The following ATP10B variants were observed in gnomAD, a reference collection of about 807,000 sequenced individuals.
ATP10B encodes ATPase phospholipid transporting 10B (putative), also known as phospholipid-transporting ATPase VB.
ATP10B carries 122 observed loss-of-function variants against 141.2 expected under a neutral mutation model. That is an observed-to-expected ratio of 0.86 (90% CI 0.75 to 1.00). The LOEUF (loss-of-function observed/expected upper bound fraction) is 1.00. ATP10B is among the 50% of genes least tolerant of loss of function. ATP10B has a pLI of 0.00. For synonymous variants in ATP10B, 685 were observed against 692.0 expected (o/e 0.99, Z 0.16); for missense variants, 1,876 against 1,825.3 (o/e 1.03, Z -0.51).
Position 160,687,972 on chromosome 5 carries a change from T to A in ATP10B, c.103A>T (p.Lys35Ter). The change falls in exon 5 of 26, where the codon AAA (lysine) becomes TAA (stop). Residue 35 changes from lysine (K) to a stop codon, truncating the protein, a stop_gained. Transcript: ENST00000327245. LOFTEE classifies it high-confidence loss of function. ...SETTPLLSPE[K>*]GRQSYNLTQQ... ...GTCAAGTTGTAGCTCTGTCTCCCTT[T>A]CTCTGGAGAGAGCAGCGGTGTGGTT... 6.2e-7 allele frequency: 1 copy of A among 1,614,134 alleles called. No homozygotes were observed. The highest frequency in any genetic ancestry group is 8.5e-7 in the Non-Finnish European group (1 of 1,180,038).
intron 20 of ATP10B, 140 bp from the exon 21 acceptor site, chr5:160,602,842 G>A (rs1209085178): frequency 8.7e-7 from 1 of 1,151,812 alleles, no homozygotes. Flanking sequence ...CTCTTGGGTA[G>A]CTTTTTGGAT....
the ATP10B span, among the ~76,000 whole-genome samples, chr5:160,928,635 A>C: frequency 6.6e-6 from 1 of 152,202 alleles, no homozygotes; most frequent in Non-Finnish European, 1.5e-5. Context: ...AGTGCTTCCC[A>C]GTCATGCTTT....
chr5:160,701,939 G>C (rs1307930129), intron 3 of ATP10B, among the ~76,000 whole-genome samples: 1 of 145,180 alleles, frequency 6.9e-6, no homozygotes, highest in East Asian at 2.1e-4. Context: ...CCCCTCTCCC[G>C]AGGGCCTCTT....
rs528601129 is a variant in ATP10B, at chr5:160,814,712, A to G, written c.-575-28909T>C. On this transcript the variant is annotated intron_variant, in intron 1 of 25. Transcript: ENST00000327245. Reference sequence around the variant, plus strand: ...ATTCACCAAAGTTGAAATGAAGGAAAAAATGTTAAGGGCAGCCAGAGAGAA... The same window carrying G: ...ATTCACCAAAGTTGAAATGAAGGAAGAAATGTTAAGGGCAGCCAGAGAGAA... Among the ~76,000 whole-genome samples the G allele has an allele frequency of 2.0e-5, 3 of 152,318 alleles. No individual in the cohort carries two copies. The South Asian group carries it at 6.2e-4, about 32-fold the overall frequency.
At chr5:160,738,340 A>G (rs934996947) in intron 2 of ATP10B, among the ~76,000 whole-genome samples, 3 of 152,098 alleles carry the variant, frequency 2.0e-5, no homozygotes, top group African/African-American at 7.2e-5. Context: ...TGAAAACTCA[A>G]GGATCTAGGT....
At chr5:160,873,941 G>A in the ATP10B span, among the ~76,000 whole-genome samples, 47 of 152,362 alleles carry the variant, frequency 3.1e-4, no homozygotes, top group Middle Eastern at 3.4e-3. Context: ...ACTGCAAGGC[G>A]GCAGCCAGGC....
chr5:160,772,899 G>A (rs1441209406), intron 2 of ATP10B, among the ~76,000 whole-genome samples: 5 of 152,204 alleles, frequency 3.3e-5, no homozygotes, highest in Non-Finnish European at 5.9e-5. Context: ...GGAGAAATCT[G>A]TTGGTAGCTC....
intron 18 of ATP10B, among the ~76,000 whole-genome samples, chr5:160,608,440 T>C (rs976806773): frequency 6.6e-5 from 10 of 152,228 alleles, no homozygotes; most frequent in African/African-American, 2.4e-4. Flanking sequence ...TTTGGGTATA[T>C]ACCCAGTAAT....
chr5:160,843,049 G>A (rs1172644638), intron 1 of ATP10B, among the ~76,000 whole-genome samples: 1 of 152,068 alleles, frequency 6.6e-6, no homozygotes, highest in African/African-American at 2.4e-5. Flanking sequence ...AAACATAAAA[G>A]CAACAATCCT....
intron 3 of ATP10B, among the ~76,000 whole-genome samples, chr5:160,699,291 A>G (rs1764547221): frequency 6.6e-6 from 1 of 152,230 alleles, no homozygotes; most frequent in Admixed American, 6.5e-5. Flanking sequence ...ATTGTTTTAT[A>G]GATTCTTTTG....
chr5:160,754,253 T>G (rs992988814), intron 2 of ATP10B, among the ~76,000 whole-genome samples: 1 of 152,220 alleles, frequency 6.6e-6, no homozygotes, highest in Non-Finnish European at 1.5e-5. Context: ...TCCCAAACAC[T>G]GTCCATATAA....
intron 1 of ATP10B, among the ~76,000 whole-genome samples, chr5:160,835,908 A>G (rs949014190): frequency 1.3e-5 from 2 of 152,164 alleles, no homozygotes; most frequent in African/African-American, 4.8e-5. Context: ...AATCTTTTAT[A>G]GGGCCCATTC....
At chr5:160,725,072 G>A (rs1371782195) in intron 2 of ATP10B, among the ~76,000 whole-genome samples, 2 of 152,164 alleles carry the variant, frequency 1.3e-5, no homozygotes, top group Non-Finnish European at 2.9e-5. Flanking sequence ...TTGAATTAAT[G>A]AATTACGGAA....
At position 160,801,844 on chromosome 5, in the gene ATP10B, C is replaced by A. The variant is rs1468981644; in HGVS notation, c.-575-16041G>T. 2.0e-5 allele frequency among the ~76,000 whole-genome samples: 3 copies of A among 152,182 alleles called. No homozygotes were observed. The East Asian group carries it at 5.8e-4, about 29-fold the overall frequency. On this transcript the variant is annotated intron_variant, in intron 1 of 25. Coordinates refer to ENST00000327245, the MANE Select transcript of ATP10B (RefSeq NM_025153.3). Reference sequence around the variant, plus strand: ...AAAGAGGTTTACGTGATCCTTCCCACACGGTTCTTCGAAACAGATTGGGAA... The same window carrying A: ...AAAGAGGTTTACGTGATCCTTCCCAAACGGTTCTTCGAAACAGATTGGGAA...
At chr5:160,796,860 C>G (rs1771983789) in intron 1 of ATP10B, among the ~76,000 whole-genome samples, 1 of 152,048 alleles carries the variant, frequency 6.6e-6, no homozygotes, top group African/African-American at 2.4e-5. Context: ...GGTGGCTCTT[C>G]CAAGCCAGCT....
chr5:160,599,879 T>C (rs1049204114), intron 21 of ATP10B, among the ~76,000 whole-genome samples: 1 of 152,208 alleles, frequency 6.6e-6, no homozygotes, highest in Non-Finnish European at 1.5e-5. Flanking sequence ...CTCAGTTATG[T>C]GGGGCTGAGG....
At chr5:160,890,254 G>A in the ATP10B span, among the ~76,000 whole-genome samples, 1 of 152,176 alleles carries the variant, frequency 6.6e-6, no homozygotes, top group Non-Finnish European at 1.5e-5. Flanking sequence ...TATGGACTAA[G>A]TGCTTCTTAT....
At chr5:160,879,617 C>T in the ATP10B span, among the ~76,000 whole-genome samples, 3 of 151,100 alleles carry the variant, frequency 2.0e-5, no homozygotes, top group African/African-American at 4.9e-5. Flanking sequence ...GGTGGGTGGA[C>T]GGTGAGGTCA....
intron 2 of ATP10B, among the ~76,000 whole-genome samples, chr5:160,767,323 G>A (rs1023225357): frequency 1.3e-5 from 2 of 152,072 alleles, no homozygotes; most frequent in African/African-American, 4.8e-5. Flanking sequence ...AGCTGTCTTT[G>A]ACTGAATACT....
Sources: gnomAD v4.1 joint callset for allele counts (sites outside exome capture counted in the v4.1 genomes callset) on GRCh38, gnomAD v4.1.1 for gene constraint, MANE v1.5 for transcripts, NCBI Gene and HGNC (gene_info 2026-07-23, HGNC 2026-07-21) for gene names.